IFI6: variants seen among roughly 807,000 people sequenced by gnomAD.
The protein encoded by IFI6 is interferon alpha inducible protein 6, also known as interferon alpha-inducible protein 6.
In IFI6, 10 loss-of-function variants were observed where a neutral mutation model predicts 12.7. That is an observed-to-expected ratio of 0.79 (90% CI 0.49 to 1.33). The LOEUF (loss-of-function observed/expected upper bound fraction) is 1.33, where lower values mean the gene tolerates loss of function less well. IFI6 is among the 40% of genes most tolerant of loss of function. The pLI is 0.00. For missense variants in IFI6, 154 were observed against 180.4 expected, an observed-to-expected ratio of 0.85 and a Z score of 0.84; for synonymous variants, 89 against 86.2, an observed-to-expected ratio of 1.03 and a Z score of -0.18.
chr1:27,669,217 T>C (rs2090384625), intron 2 of IFI6, 28 bp downstream of exon 2: 15 of 1,551,252 alleles, frequency 9.7e-6, no homozygotes, highest in Middle Eastern at 1.7e-4. Context: ...ACCTGTCCCC[T>C]TACCTGCATC....
chr1:27,668,196 T>A, intron 4 of IFI6, 30 bp downstream of exon 4: 1 of 1,453,328 alleles, frequency 6.9e-7, no homozygotes, highest in Non-Finnish European at 9.0e-7. Flanking sequence ...GTAAAGAACG[T>A]CCCACCAGGG....
Position 27,668,239 on chromosome 1 carries a change from C to T in IFI6, c.285G>A (p.Thr95=), listed in dbSNP as rs781705655. The T allele has an allele frequency of 1.3e-6, 2 of 1,562,502 alleles. No homozygotes were observed. Among genetic ancestry groups the T allele is most frequent in the East Asian group, 2.3e-5 (1 of 43,370 alleles). The change falls in exon 4 of 5, where the codon ACG becomes ACA. Residue 95 remains threonine, a synonymous_variant. Transcript: ENST00000361157. ...CCCCGCACTCACCGAGGCTCTGCAG[C>T]GTGGCCACTAGCCCCCCGGCGGGCA... ...GGVPAGGLVA[T]LQSLGAGGSS...
intron 2 of IFI6, 22 bp downstream of exon 2, chr1:27,669,223 G>T (rs1423945174): frequency 6.4e-6 from 10 of 1,551,222 alleles, no homozygotes; most frequent in Non-Finnish European, 7.8e-6. Context: ...CCCCTTACCT[G>T]CATCCTTACC....
chr1:27,668,549 G>A lies in IFI6; in HGVS notation c.71-14C>T. Reference sequence around the variant, plus strand: ...ACTTTTTCTTACCTGCAGGAGAGCAGACAAAGCGTAGTGGGGGTGTTGGGG... The same window carrying A: ...ACTTTTTCTTACCTGCAGGAGAGCAAACAAAGCGTAGTGGGGGTGTTGGGG... On this transcript the variant is annotated splice_polypyrimidine_tract_variant and intron_variant, in intron 2 of 4. Coordinates refer to ENST00000361157, the MANE Select transcript of IFI6 (RefSeq NM_002038.4). The A allele has an allele frequency of 6.3e-7, 1 of 1,586,218 alleles. No individual in the cohort carries two copies. The highest frequency in any genetic ancestry group is 8.6e-7 in the Non-Finnish European group (1 of 1,165,116).
Position 27,668,497 on chromosome 1 carries a change from C to A in IFI6, c.109G>T (p.Gly37Trp). ...KCSESSDSGS[G>W]FWKALTFMAV... is the part of the protein sequence containing the mutation. ...ATGAAGGTCAGGGCCTTCCAGAACC[C>A]GGAGCCGCTGTCCGAGCTCTCCGAG... Residue 37 changes from glycine (G) to tryptophan (W), a missense_variant, in exon 3 of 5, where the codon GGG becomes TGG. Gly to Trp is a radical substitution (Grantham distance 184). Coordinates refer to ENST00000361157, the MANE Select transcript of IFI6 (RefSeq NM_002038.4). The A allele has an allele frequency of 1.2e-6, 2 of 1,611,146 alleles. No individual in the cohort carries two copies. Among genetic ancestry groups the A allele is most frequent in the East Asian group, 2.2e-5 (1 of 44,712 alleles).
chr1:27,666,492 G>A lies in IFI6; in HGVS notation c.299-17C>T, dbSNP rs1478556398. ...CACCAGCCCCTGTAAAGCAAACACA[G>A]ATGAGTCACTGGGGCCCAAGTGCCA... On this transcript the variant is annotated splice_polypyrimidine_tract_variant and intron_variant, in intron 4 of 4. Transcript: ENST00000361157. The A allele has an allele frequency of 6.3e-7, 1 of 1,594,338 alleles. No homozygotes were observed. The highest frequency in any genetic ancestry group is 8.6e-7 in the Non-Finnish European group (1 of 1,162,954).
In IFI6 at chr1:27,666,715, C is replaced by T. The variant is rs369034187; in HGVS notation, c.299-240G>A. 9.2e-5 allele frequency among the ~76,000 whole-genome samples: 14 copies of T among 152,274 alleles called. No individual in the cohort carries two copies. In the East Asian group the frequency reaches 1.2e-3, roughly 13 times the overall value. ...CTTCACCTGATGTCTGCCATGGAAA[C>T]GCCATGTTATTAATCATGCTAACAG... On this transcript the variant is annotated intron_variant, in intron 4 of 4. Coordinates refer to ENST00000361157, the MANE Select transcript of IFI6 (RefSeq NM_002038.4).
In IFI6 at chr1:27,668,485, C is replaced by A; in HGVS notation, c.121G>T (p.Ala41Ser). 1 of 1,611,702 alleles carries A rather than the reference C, an allele frequency of 6.2e-7. No individual in the cohort carries two copies. Among genetic ancestry groups the A allele is most frequent in the Non-Finnish European group, 8.5e-7 (1 of 1,178,980 alleles). The change falls in exon 3 of 5, where the codon GCC becomes TCC. Residue 41 changes from alanine to serine, a missense_variant. Ala to Ser is a moderately conservative substitution (Grantham distance 99). Transcript: ENST00000361157. ...CCTCCGACGGCCATGAAGGTCAGGG[C>A]CTTCCAGAACCCGGAGCCGCTGTCC... ...SSDSGSGFWK[A>S]LTFMAVGGGL... is the part of the protein sequence containing the mutation.
chr1:27,667,597 A>G (rs2090361361), intron 4 of IFI6, among the ~76,000 whole-genome samples: 1 of 152,206 alleles, frequency 6.6e-6, no homozygotes, highest in Non-Finnish European at 1.5e-5. Context: ...AGCAGATTCA[A>G]AAAATGTTAA....
At chr1:27,670,390 G>C (rs2090395127) in intron 1 of IFI6, 2 of 151,924 alleles carry the variant, frequency 1.3e-5, no homozygotes, top group Admixed American at 6.6e-5. Context: ...AGGCTCAAGT[G>C]ATCCTCCCAC....
rs1167914517 is a variant in IFI6, at chr1:27,667,821, AGCACTATGGGAC to A, written c.298+393_298+404del. On this transcript the variant is annotated intron_variant, in intron 4 of 4. Transcript: ENST00000361157. ...CGCGGTGACTCACGCCTGTAATCCT[AGCACTATGGGAC>A]GCCGAGGCGGGCGGATCAGCTGAGG... 2.9e-4 allele frequency among the ~76,000 whole-genome samples: 44 copies of A among 152,228 alleles called. 1 individual carries two copies. Among genetic ancestry groups the A allele is most frequent in the African/African-American group, 1.0e-3 (42 of 41,458 alleles).
In IFI6 at chr1:27,666,246, A is replaced by G. The variant is rs926166399; in HGVS notation, c.*135T>C. On this transcript the variant is annotated 3_prime_UTR_variant, in exon 5 of 5. Coordinates refer to ENST00000361157, the MANE Select transcript of IFI6 (RefSeq NM_002038.4). Reference sequence around the variant, plus strand: ...GTGTACTATGTTCGCATCTGTGAATAGCCACTGCACTCTAGCCTGGACAAT... The same window carrying G: ...GTGTACTATGTTCGCATCTGTGAATGGCCACTGCACTCTAGCCTGGACAAT... 1.8e-6 allele frequency: 1 copy of G among 548,242 alleles called. No individual in the cohort carries two copies. The highest frequency in any genetic ancestry group is 3.1e-6 in the Non-Finnish European group (1 of 326,944). The allele number at this position is 548,242 out of a possible 1,614,324, so 34.0% of individuals were successfully genotyped here.
intron 1 of IFI6, 187 bp from the exon 2 acceptor site, chr1:27,669,533 C>T (rs929964219): frequency 1.6e-5 from 9 of 545,608 alleles, no homozygotes; most frequent in Admixed American, 1.2e-4. Flanking sequence ...ATGTCCCTGC[C>T]CCAACCGGTG....
Sources: allele counts gnomAD v4.1 joint callset (sites outside exome capture counted in the v4.1 genomes callset), GRCh38; gene constraint gnomAD v4.1.1; transcripts MANE v1.5; gene names NCBI Gene and HGNC (gene_info 2026-07-23, HGNC 2026-07-21).